The following PCCA variants were observed in gnomAD, a reference collection of about 807,000 sequenced individuals.
PCCA encodes the protein propionyl-CoA carboxylase subunit alpha.
In PCCA, 74 loss-of-function variants were observed where a neutral mutation model predicts 101.3. The ratio of observed to expected loss-of-function variants is 0.73; its 90% CI spans 0.61 to 0.89. The LOEUF (loss-of-function observed/expected upper bound fraction) is 0.89, where lower values mean the gene tolerates loss of function less well. Ranked by LOEUF, PCCA falls within the 40% of genes least tolerant of loss-of-function variation. PCCA has a pLI of 0.00. For synonymous variants in PCCA, 294 were observed against 313.6 expected (o/e 0.94, Z 0.66); for missense variants, 891 against 907.0 (o/e 0.98, Z 0.23).
At chr13:100,111,794 G>C in intron 2 of PCCA, 47 bp from the exon 3 acceptor site, 1 of 1,378,798 alleles carries the variant, frequency 7.3e-7, no homozygotes, top group African/African-American at 1.4e-5. Flanking sequence ...TTAAACCATC[G>C]GTTTAAAAGT....
chr13:100,360,047 AAG>A (rs2074396165), intron 18 of PCCA, among the ~76,000 whole-genome samples: 1 of 152,214 alleles, frequency 6.6e-6, no homozygotes. Flanking sequence ...TTACAAAAGA[AAG>A]AGGTTTAATT....
chr13:100,169,994 C>T (rs1246070346), intron 6 of PCCA, among the ~76,000 whole-genome samples: 1 of 152,140 alleles, frequency 6.6e-6, no homozygotes, highest in African/African-American at 2.4e-5. Context: ...GCCACCACAC[C>T]CAGCCTGAAC....
chr13:100,487,020 C>G (rs549325477), intron 21 of PCCA, among the ~76,000 whole-genome samples: 6 of 152,166 alleles, frequency 3.9e-5, no homozygotes, highest in Admixed American at 2.0e-4. Flanking sequence ...ATGTTAGCAT[C>G]TGATATTTTA....
chr13:100,251,986 C>A (rs1213554243), intron 8 of PCCA, among the ~76,000 whole-genome samples: 12 of 92,732 alleles, frequency 1.3e-4, no homozygotes, highest in Admixed American at 3.9e-4. Context: ...CACACTTTCC[C>A]TTCTGGGGAG....
chr13:100,427,730 C>T (rs1238538693), intron 20 of PCCA, among the ~76,000 whole-genome samples: 2 of 141,860 alleles, frequency 1.4e-5, no homozygotes, highest in Non-Finnish European at 3.1e-5. Flanking sequence ...CAGTCGTTTA[C>T]CTAAAAAAAA....
chr13:100,167,880 C>A (rs1378217150), intron 6 of PCCA, among the ~76,000 whole-genome samples: 5 of 152,152 alleles, frequency 3.3e-5, no homozygotes, highest in Admixed American at 2.6e-4. Flanking sequence ...CATTCTCCTG[C>A]CTCAGCCTCC....
intron 21 of PCCA, among the ~76,000 whole-genome samples, chr13:100,488,620 GT>G (rs1370836335): frequency 1.6e-5 from 2 of 121,670 alleles, no homozygotes; most frequent in South Asian, 3.7e-4. Flanking sequence ...TACAAGTTTT[GT>G]TTTTTTGTTT....
intron 8 of PCCA, among the ~76,000 whole-genome samples, chr13:100,242,184 G>A (rs985068197): frequency 6.6e-6 from 1 of 152,120 alleles, no homozygotes; most frequent in African/African-American, 2.4e-5. Context: ...CACTTTAGAT[G>A]CAGAGACACA....
intron 17 of PCCA, among the ~76,000 whole-genome samples, chr13:100,335,288 C>T (rs1346258932): frequency 6.6e-6 from 1 of 152,092 alleles, no homozygotes; most frequent in Non-Finnish European, 1.5e-5. Context: ...TATTTTTCCC[C>T]CTACCCCCAA....
chr13:100,184,738 T>C lies in PCCA; in HGVS notation c.469-24594T>C, dbSNP rs186593196. ...CATTATGAATACTTAAATGGGAATTTCATGTAATTTTAACATGTCACGAAG... is the reference window on the plus strand; with the variant it reads ...CATTATGAATACTTAAATGGGAATTCCATGTAATTTTAACATGTCACGAAG... On this transcript the variant is annotated intron_variant, in intron 6 of 23. Transcript: ENST00000376285. Among the ~76,000 whole-genome samples, 4 of 152,360 alleles carry C rather than the reference T, an allele frequency of 2.6e-5. No homozygotes were observed. The East Asian group carries it at 7.7e-4, about 29-fold the overall frequency.
intron 21 of PCCA, among the ~76,000 whole-genome samples, chr13:100,499,410 T>C (rs974345096): frequency 6.6e-6 from 1 of 152,262 alleles, no homozygotes; most frequent in Non-Finnish European, 1.5e-5. Context: ...TGACTTTTAA[T>C]GTTTGACAGA....
chr13:100,409,541 C>T (rs764065796), intron 19 of PCCA, among the ~76,000 whole-genome samples: 6 of 152,142 alleles, frequency 3.9e-5, no homozygotes, highest in Non-Finnish European at 7.3e-5. Context: ...AGGGGCCAAA[C>T]GGTGCAGATG....
intron 21 of PCCA, among the ~76,000 whole-genome samples, chr13:100,498,193 C>G (rs1208245125): frequency 1.3e-5 from 2 of 149,440 alleles, no homozygotes; most frequent in East Asian, 3.9e-4. Flanking sequence ...TCATAGTTAT[C>G]GCCAGTTGCC....
rs9557406 is a variant in PCCA, at chr13:100,263,903, A to G, written c.819+1072A>G. Among the ~76,000 whole-genome samples the G allele has an allele frequency of 3.7e-3, 550 of 150,128 alleles. 10 individuals carry two copies. The East Asian group carries it at 0.062, about 17-fold the overall frequency. Reference sequence around the variant, plus strand: ...TATGGTATCTGTATGTCATAGATACAGTATCTGTATGTCATAGATACGGTA... The same window carrying G: ...TATGGTATCTGTATGTCATAGATACGGTATCTGTATGTCATAGATACGGTA... On this transcript the variant is annotated intron_variant, in intron 10 of 23. Transcript: ENST00000376285.
At chr13:100,484,319 C>G (rs2084193440) in intron 21 of PCCA, among the ~76,000 whole-genome samples, 1 of 152,122 alleles carries the variant, frequency 6.6e-6, no homozygotes, top group South Asian at 2.1e-4. Context: ...GACAGAGGCT[C>G]TCGTGAAACC....
At chr13:100,432,164 A>C (rs139443229) in intron 20 of PCCA, among the ~76,000 whole-genome samples, 2,084 of 152,130 alleles carry the variant, frequency 0.014, 50 homozygotes, top group African/African-American at 0.048. Flanking sequence ...TAAATAAATA[A>C]ATAAATAAAC....
At chr13:100,246,398 C>T (rs1053127580) in intron 8 of PCCA, among the ~76,000 whole-genome samples, 1 of 152,154 alleles carries the variant, frequency 6.6e-6, no homozygotes, top group Admixed American at 6.5e-5. Context: ...TAGCCTCAAC[C>T]TCCTAGGCTC....
At position 100,096,802 on chromosome 13, in the gene PCCA, C is replaced by G. The variant is rs545738984; in HGVS notation, c.106-6081C>G. ...TTCCTTAAGCCATAGCCTAATCCAG[C>G]GCAAGGTCCTCGCTTCAGTTCTGCG... On this transcript the variant is annotated intron_variant, in intron 1 of 23. Transcript: ENST00000376285. Among the ~76,000 whole-genome samples, 6 of 152,240 alleles carry G rather than the reference C, an allele frequency of 3.9e-5. 1 individual carries two copies. Among genetic ancestry groups the G allele is most frequent in the African/African-American group, 1.2e-4 (5 of 41,462 alleles).
chr13:100,526,014 G>A (rs1018399496), intron 22 of PCCA, among the ~76,000 whole-genome samples: 2 of 152,210 alleles, frequency 1.3e-5, no homozygotes, highest in Admixed American at 6.5e-5. Flanking sequence ...AGAGTCAGTC[G>A]CAGTGAGTCC....
Sources: allele counts gnomAD v4.1 joint callset (sites outside exome capture counted in the v4.1 genomes callset), GRCh38; gene constraint gnomAD v4.1.1; transcripts MANE v1.5; gene names NCBI Gene and HGNC (gene_info 2026-07-23, HGNC 2026-07-21).